The following NBAS variants were observed in gnomAD, a reference collection of about 807,000 sequenced individuals.
The protein encoded by NBAS is NBAS subunit of NRZ tethering complex.
Under a neutral mutation model 302.5 loss-of-function variants are expected in NBAS, and 219 were observed. The ratio of observed to expected loss-of-function variants is 0.72; its 90% CI spans 0.65 to 0.81. The LOEUF is 0.81. Ranked by LOEUF, NBAS falls within the 30% of genes least tolerant of loss-of-function variation. The pLI is 0.00. For missense variants in NBAS, 2,932 were observed against 2,841.6 expected, an observed-to-expected ratio of 1.03 and a Z score of -0.72; for synonymous variants, 1,118 against 1,021.6, an observed-to-expected ratio of 1.09 and a Z score of -1.80.
At chr2:15,074,153 T>G in the NBAS span, among the ~76,000 whole-genome samples, 2 of 152,070 alleles carry the variant, frequency 1.3e-5, no homozygotes, top group Non-Finnish European at 2.9e-5. Context: ...TACATTCAAG[T>G]CCATATGAAA....
the NBAS span, among the ~76,000 whole-genome samples, chr2:14,885,209 T>G: frequency 6.6e-6 from 1 of 152,138 alleles, no homozygotes; most frequent in African/African-American, 2.4e-5. Context: ...GAAAATTAGT[T>G]GTTTAGGGAA....
chr2:14,849,628 T>C, the NBAS span, among the ~76,000 whole-genome samples: 1 of 143,016 alleles, frequency 7.0e-6, no homozygotes, highest in African/African-American at 2.9e-5. Context: ...CACATAATTG[T>C]CAGATTCACC....
the NBAS span, among the ~76,000 whole-genome samples, chr2:15,051,737 A>G: frequency 6.6e-6 from 1 of 152,224 alleles, no homozygotes; most frequent in Admixed American, 6.5e-5. Context: ...GCATTTTATC[A>G]CATATCATTT....
intron 41 of NBAS, among the ~76,000 whole-genome samples, chr2:15,288,500 C>T (rs1670159206): frequency 6.6e-6 from 1 of 152,140 alleles, no homozygotes; most frequent in African/African-American, 2.4e-5. Flanking sequence ...CGTACTGGGT[C>T]CTCAGGCCTG....
rs552396701 is a variant in NBAS, at chr2:15,462,836, G to A, written c.2098-1045C>T. Among the ~76,000 whole-genome samples, 11 of 152,198 alleles carry A rather than the reference G, an allele frequency of 7.2e-5. 1 individual carries two copies. The South Asian group carries it at 1.5e-3, about 20-fold the overall frequency. ...GAGATTAAATAGAATGAGTTTGAAA[G>A]AGCCTTGAGGAACAACATTATTTAA... On this transcript the variant is annotated intron_variant, in intron 19 of 51. Coordinates refer to ENST00000281513, the MANE Select transcript of NBAS (RefSeq NM_015909.4).
chr2:15,502,782 C>A (rs1470116732), intron 11 of NBAS, among the ~76,000 whole-genome samples: 1 of 152,192 alleles, frequency 6.6e-6, no homozygotes. Flanking sequence ...AAACACTGTA[C>A]ACTTAGGCTC....
At chr2:15,296,708 G>A (rs910256229) in intron 40 of NBAS, among the ~76,000 whole-genome samples, 3 of 152,080 alleles carry the variant, frequency 2.0e-5, no homozygotes, top group African/African-American at 7.2e-5. Context: ...CCATAATGGT[G>A]CATGCCTGTA....
chr2:15,163,187 A>G (rs1161445488), downstream of NBAS, among the ~76,000 whole-genome samples: 1 of 152,088 alleles, frequency 6.6e-6, no homozygotes, highest in Non-Finnish European at 1.5e-5. Flanking sequence ...GCTCCTGCAC[A>G]CTCTCGCATG....
At chr2:14,865,621 G>A in the NBAS span, among the ~76,000 whole-genome samples, 4 of 152,142 alleles carry the variant, frequency 2.6e-5, no homozygotes, top group East Asian at 1.9e-4. Flanking sequence ...TGCCCAGCAA[G>A]TATATTAATC....
chr2:15,140,723 C>A, the NBAS span, among the ~76,000 whole-genome samples: 1 of 152,280 alleles, frequency 6.6e-6, no homozygotes, highest in South Asian at 2.1e-4. Context: ...GTCCTTGGGG[C>A]AGATGCTTCT....
At chr2:15,020,710 T>C in the NBAS span, among the ~76,000 whole-genome samples, 5 of 152,170 alleles carry the variant, frequency 3.3e-5, no homozygotes, top group Non-Finnish European at 5.9e-5. Context: ...ACAGCTAAGA[T>C]ATGAGAGTGG....
intron 21 of NBAS, among the ~76,000 whole-genome samples, chr2:15,444,965 A>T (rs1678646495): frequency 6.7e-6 from 1 of 149,472 alleles, no homozygotes; most frequent in Non-Finnish European, 1.5e-5. Context: ...ATACCATCTC[A>T]CACCAGTTAG....
At chr2:15,261,918 T>A (rs1558484348) in intron 44 of NBAS, among the ~76,000 whole-genome samples, 1 of 152,200 alleles carries the variant, frequency 6.6e-6, no homozygotes, top group Non-Finnish European at 1.5e-5. Context: ...TCCACTGTAT[T>A]TATAGCAAAA....
chr2:15,533,714 G>C (rs975860141), intron 9 of NBAS, among the ~76,000 whole-genome samples: 1 of 75,022 alleles, frequency 1.3e-5, no homozygotes, highest in African/African-American at 3.5e-5. Flanking sequence ...GTGTGTGTGT[G>C]TGTGTGTGTG....
intron 38 of NBAS, among the ~76,000 whole-genome samples, chr2:15,320,914 C>CA (rs1671775608): frequency 6.6e-6 from 1 of 151,996 alleles, no homozygotes; most frequent in Admixed American, 6.6e-5. Flanking sequence ...CATATGGAAC[C>CA]AAAAAAGAGC....
chr2:15,380,965 T>C (rs1302746698), intron 29 of NBAS, among the ~76,000 whole-genome samples: 2 of 152,162 alleles, frequency 1.3e-5, no homozygotes, highest in Admixed American at 1.3e-4. Flanking sequence ...AAAAACACTA[T>C]ATCTAAGAGG....
chr2:14,878,141 A>G, the NBAS span, among the ~76,000 whole-genome samples: 8 of 152,204 alleles, frequency 5.3e-5, no homozygotes, highest in African/African-American at 1.9e-4. Flanking sequence ...GTAATGCAAC[A>G]CTAAAATCCT....
chr2:15,000,886 G>A, the NBAS span, among the ~76,000 whole-genome samples: 1 of 152,218 alleles, frequency 6.6e-6, no homozygotes, highest in South Asian at 2.1e-4. Flanking sequence ...CTTCAGAAGG[G>A]CCTGGCAAGC....
chr2:15,056,408 T>C, the NBAS span, among the ~76,000 whole-genome samples: 7 of 152,226 alleles, frequency 4.6e-5, no homozygotes, highest in Non-Finnish European at 8.8e-5. Flanking sequence ...AAGAAAAGTT[T>C]TTTACTGCAT....
Sources: allele counts gnomAD v4.1 joint callset (sites outside exome capture counted in the v4.1 genomes callset), GRCh38; gene constraint gnomAD v4.1.1; transcripts MANE v1.5; gene names NCBI Gene and HGNC (gene_info 2026-07-23, HGNC 2026-07-21).